The following CACHD1 variants were observed in gnomAD, a reference collection of about 807,000 sequenced individuals.
CACHD1 encodes the protein cache domain containing 1.
A neutral mutation model predicts 138.7 loss-of-function variants in CACHD1; 71 were observed. The observed-to-expected ratio is 0.51, with a 90% CI of 0.42 to 0.62. The LOEUF (loss-of-function observed/expected upper bound fraction) is 0.62, where lower values mean the gene tolerates loss of function less well. Among genes scored for constraint, CACHD1 ranks in the 20% least tolerant of loss-of-function variants. The probability of loss-of-function intolerance (pLI) is 0.00; values close to 1 mark genes in which losing one functional copy is unlikely to be tolerated. For synonymous variants in CACHD1, 578 were observed against 591.5 expected (o/e 0.98, Z 0.33); for missense variants, 1,389 against 1,625.3 (o/e 0.85, Z 2.50).
At chr1:64,573,492 G>C (rs1441652228) in intron 2 of CACHD1, among the ~76,000 whole-genome samples, 1 of 152,200 alleles carries the variant, frequency 6.6e-6, no homozygotes, top group Non-Finnish European at 1.5e-5. Context: ...ACTTGCTTTA[G>C]AGCAGCTGAT....
At chr1:64,516,405 CCTGTCGTACTGCCTAACAG>C (rs1646459678) in intron 1 of CACHD1, among the ~76,000 whole-genome samples, 1 of 152,164 alleles carries the variant, frequency 6.6e-6, no homozygotes, top group South Asian at 2.1e-4. Flanking sequence ...AGACTTGGAA[CCTGTCGTACTGCCTAACAG>C]ACCAGCTTAC....
rs1476918674 is a variant in CACHD1 at position 64,632,699 on chromosome 1, G to T, written c.745G>T (p.Asp249Tyr). The T allele has an allele frequency of 6.2e-7, 1 of 1,614,050 alleles. No individual in the cohort carries two copies. The highest frequency in any genetic ancestry group is 2.2e-5 in the East Asian group (1 of 44,882). The change falls in exon 6 of 27, where the codon GAC becomes TAC. Residue 249 changes from aspartate to tyrosine, a missense_variant. By Grantham distance (160) the Asp-to-Tyr change is radical. Coordinates refer to ENST00000651257, the MANE Select transcript of CACHD1 (RefSeq NM_020925.4). ...AGACACTCAGCTTCAGATTGCCAAG[G>T]ACGCTGCTCAGGTCATCCTCAGCGC... is the stretch of plus-strand genomic sequence containing the variant. ...VTDTQLQIAKDAAQVILSAID... is the reference protein window; with the variant it reads ...VTDTQLQIAKYAAQVILSAID...
chr1:64,610,518 C>A (rs947936786), intron 4 of CACHD1, among the ~76,000 whole-genome samples: 3 of 152,114 alleles, frequency 2.0e-5, no homozygotes, highest in African/African-American at 4.8e-5. Context: ...CCATGCAAGT[C>A]GAAAATCAAA....
intron 1 of CACHD1, among the ~76,000 whole-genome samples, chr1:64,486,369 T>TAC (rs3078376): frequency 0.55 from 79,182 of 144,924 alleles, 23,077 homozygotes; most frequent in East Asian, 0.67. Flanking sequence ...CACACACACA[T>TAC]ACACACACAC....
chr1:64,665,639 A>G (rs1281871213), intron 15 of CACHD1, among the ~76,000 whole-genome samples: 1 of 152,174 alleles, frequency 6.6e-6, no homozygotes, highest in Non-Finnish European at 1.5e-5. Context: ...TCAGTGTAAC[A>G]CAAACAAAAT....
chr1:64,652,204 A>C lies in CACHD1; in HGVS notation c.1434A>C (p.Leu478=), dbSNP rs1408416585. Residue 478 remains leucine, a synonymous_variant, in exon 10 of 27, where the codon CTA becomes CTC. Transcript: ENST00000651257. ...GTAAACCCTGTTATTTTGGAAACCT[A>C]CTTCTGGGAATTGTAGGTGTGGACG... The part of the protein sequence containing the change: ...TVSKPCYFGN[L]LLGIVGVDVN... 4 of 1,613,464 alleles carry C rather than the reference A, an allele frequency of 2.5e-6. No individual in the cohort carries two copies. Among genetic ancestry groups the C allele is most frequent in the Non-Finnish European group, 3.4e-6 (4 of 1,179,754 alleles).
rs952168355 is a variant in CACHD1, at chr1:64,553,539, G to A, written c.261+2883G>A. Among the ~76,000 whole-genome samples the A allele has an allele frequency of 5.9e-5, 9 of 152,294 alleles. 1 individual carries two copies. The highest frequency in any genetic ancestry group is 3.3e-4 in the Admixed American group (5 of 15,294). ...AAAGGCCACGGATCCCAGCTAGTAG[G>A]TAATTAAGCTGGCTTTTAAAACAGT... On this transcript the variant is annotated intron_variant, in intron 2 of 26. Transcript: ENST00000651257.
intron 1 of CACHD1, among the ~76,000 whole-genome samples, chr1:64,503,038 T>C (rs1646348717): frequency 6.6e-6 from 1 of 152,334 alleles, no homozygotes; most frequent in East Asian, 1.9e-4. Flanking sequence ...TTAATTTCCA[T>C]CTGATAGAGC....
chr1:64,508,153 G>T (rs1264214763), intron 1 of CACHD1, among the ~76,000 whole-genome samples: 1 of 152,128 alleles, frequency 6.6e-6, no homozygotes, highest in Non-Finnish European at 1.5e-5. Flanking sequence ...ACCAGATTTT[G>T]TGAGAACTCA....
Position 64,671,620 on chromosome 1 carries a change from G to T in CACHD1, c.2444G>T (p.Arg815Ile). 1 of 1,614,028 alleles carries T rather than the reference G, an allele frequency of 6.2e-7. No individual in the cohort carries two copies. Residue 815 changes from arginine (R) to isoleucine (I), a missense_variant, in exon 17 of 27, where the codon AGA becomes ATA. By Grantham distance (97) the Arg-to-Ile change is moderately conservative. This residue lies in a region of CACHD1 where 1,000 missense variants were observed against 1,114.7 expected (regional missense o/e 0.90). Transcript: ENST00000651257. ...GTGATGGGCATTGACTTCACACTCA[G>T]ATACTTCTACAAAGTTCTGATGGAC... ...VAVMGIDFTL[R>I]YFYKVLMDLL...
intron 1 of CACHD1, among the ~76,000 whole-genome samples, chr1:64,500,679 C>T (rs1487898492): frequency 3.4e-5 from 5 of 147,428 alleles, no homozygotes. Context: ...ACAGCAAGAC[C>T]CAGACCAGCT....
At chr1:64,586,975 G>T (rs1019973204) in intron 3 of CACHD1, among the ~76,000 whole-genome samples, 1 of 152,178 alleles carries the variant, frequency 6.6e-6, no homozygotes, top group Non-Finnish European at 1.5e-5. Context: ...ACTGTATCTT[G>T]CCATATGTAT....
chr1:64,551,766 G>A (rs548824100), intron 2 of CACHD1, among the ~76,000 whole-genome samples: 211 of 152,248 alleles, frequency 1.4e-3, no homozygotes, highest in African/African-American at 4.9e-3. Flanking sequence ...TAAAGATTGA[G>A]TTTCTGCAGG....
At position 64,649,939 on chromosome 1, in the gene CACHD1, C is replaced by T. The variant is rs113150537; in HGVS notation, c.1390+1905C>T. Among the ~76,000 whole-genome samples the T allele has an allele frequency of 3.1e-3, 476 of 152,280 alleles. 2 individuals carry two copies. Among genetic ancestry groups the T allele is most frequent in the African/African-American group, 0.011 (458 of 41,548 alleles). On this transcript the variant is annotated intron_variant, in intron 9 of 26. Transcript: ENST00000651257. ...TTCAGTCCCTAGAATTATTGAGTGC[C>T]ACATCCTCTGACTCCATGACATGAG... is the stretch of plus-strand genomic sequence containing the variant.
chr1:64,477,281 A>G (rs1296079273), intron 1 of CACHD1, among the ~76,000 whole-genome samples: 1 of 152,214 alleles, frequency 6.6e-6, no homozygotes, highest in African/African-American at 2.4e-5. Context: ...TGAAACTGAA[A>G]TCTAATTTGT....
At chr1:64,555,477 T>G (rs1034449996) in intron 2 of CACHD1, among the ~76,000 whole-genome samples, 2 of 152,218 alleles carry the variant, frequency 1.3e-5, no homozygotes, top group Non-Finnish European at 2.9e-5. Context: ...TGGAGTGCAG[T>G]GGCACGATCT....
At chr1:64,653,947 C>A in intron 11 of CACHD1, 66 bp downstream of exon 11, 1 of 1,334,150 alleles carries the variant, frequency 7.5e-7, no homozygotes, top group Non-Finnish European at 1.1e-6. Context: ...AAGCCACATA[C>A]GAGTATTTAC....
Position 64,614,765 on chromosome 1 carries a change from A to G in CACHD1, c.517+11853A>G, listed in dbSNP as rs527309019. 3.7e-4 allele frequency among the ~76,000 whole-genome samples: 56 copies of G among 152,308 alleles called. 1 individual carries two copies. The highest frequency in any genetic ancestry group is 1.3e-3 in the African/African-American group (54 of 41,576). Reference sequence around the variant, plus strand: ...ATTTGGCTCAGATTCTGTAGCTAAAAATGAGTCTTGAATCCCCTTTCTTTT... The same window carrying G: ...ATTTGGCTCAGATTCTGTAGCTAAAGATGAGTCTTGAATCCCCTTTCTTTT... On this transcript the variant is annotated intron_variant, in intron 4 of 26. Coordinates refer to ENST00000651257, the MANE Select transcript of CACHD1 (RefSeq NM_020925.4).
At chr1:64,683,774 C>G (rs1247103611) in intron 26 of CACHD1, among the ~76,000 whole-genome samples, 2 of 152,182 alleles carry the variant, frequency 1.3e-5, no homozygotes, top group African/African-American at 2.4e-5. Flanking sequence ...TCCCCATATT[C>G]CAAATGCATC....
Sources: allele counts gnomAD v4.1 joint callset (sites outside exome capture counted in the v4.1 genomes callset), GRCh38; gene constraint gnomAD v4.1.1; regional missense constraint gnomAD v4.1.1; transcripts MANE v1.5; gene names NCBI Gene and HGNC (gene_info 2026-07-23, HGNC 2026-07-21).